Variants in STARD13 observed in about 807,000 individuals in gnomAD.
STARD13 encodes stAR-related lipid transfer protein 13.
In STARD13, 62 loss-of-function variants were observed where a neutral mutation model predicts 106.4. The ratio of observed to expected loss-of-function variants is 0.58; its 90% CI spans 0.48 to 0.72. The LOEUF (loss-of-function observed/expected upper bound fraction) is 0.72. STARD13 is among the 30% of genes least tolerant of loss of function. STARD13 has a pLI of 0.00. For missense variants in STARD13, 1,387 were observed against 1,424.0 expected (o/e 0.97, Z 0.42); for synonymous variants, 565 against 553.0 (o/e 1.02, Z -0.31).
intron 11 of STARD13, 51 bp from the exon 12 acceptor site, chr13:33,110,141 C>A: frequency 6.4e-7 from 1 of 1,554,364 alleles, no homozygotes; most frequent in Non-Finnish European, 8.8e-7. Context: ...GATATGGGTC[C>A]AACATTTTTT....
At chr13:33,145,281 A>T (rs574679805) in intron 3 of STARD13, among the ~76,000 whole-genome samples, 19 of 152,364 alleles carry the variant, frequency 1.2e-4, no homozygotes, top group Admixed American at 1.1e-3. Flanking sequence ...CATGAAAGAA[A>T]TGCAAATTAA....
chr13:33,496,332 A>T, the STARD13 span, among the ~76,000 whole-genome samples: 2 of 150,990 alleles, frequency 1.3e-5, no homozygotes, highest in Non-Finnish European at 3.0e-5. Context: ...ATTTTATTAA[A>T]AAATAAAGTG....
At chr13:33,500,413 GAT>G in the STARD13 span, among the ~76,000 whole-genome samples, 1 of 152,150 alleles carries the variant, frequency 6.6e-6, no homozygotes, top group Non-Finnish European at 1.5e-5. Flanking sequence ...AGGAAAATGA[GAT>G]TGACAATTTC....
intron 5 of STARD13, among the ~76,000 whole-genome samples, chr13:33,127,884 T>TGA (rs1313175923): frequency 5.3e-5 from 8 of 149,676 alleles, no homozygotes; most frequent in South Asian, 4.2e-4. Context: ...TGTGTGTATG[T>TGA]GAGAGAGAGA....
intron 3 of STARD13, among the ~76,000 whole-genome samples, chr13:33,156,900 G>A (rs1882048161): frequency 6.6e-6 from 1 of 152,172 alleles, no homozygotes; most frequent in South Asian, 2.1e-4. Context: ...TGGTGATCAT[G>A]TAACCCTCAT....
the STARD13 span, among the ~76,000 whole-genome samples, chr13:33,368,973 C>A: frequency 6.6e-6 from 1 of 152,104 alleles, no homozygotes. Flanking sequence ...AGCTTGGAGC[C>A]CAGGTGAGCT....
At chr13:33,581,043 A>T in the STARD13 span, among the ~76,000 whole-genome samples, 1 of 152,140 alleles carries the variant, frequency 6.6e-6, no homozygotes, top group East Asian at 1.9e-4. Flanking sequence ...GGAGAATTTG[A>T]TTTATTAAAT....
At position 33,268,734 on chromosome 13, in the gene STARD13, A is replaced by G. The variant is rs375970728; in HGVS notation, c.169+16736T>C. 3.9e-5 allele frequency among the ~76,000 whole-genome samples: 6 copies of G among 152,272 alleles called. No individual in the cohort carries two copies. In the East Asian group the frequency reaches 1.2e-3, roughly 29 times the overall value. On this transcript the variant is annotated intron_variant, in intron 1 of 13. Coordinates refer to ENST00000336934, the MANE Select transcript of STARD13 (RefSeq NM_178006.4). ...AGTTTCAGAAAATGTACAGCTTCTCAGAGCCAAACAAAAGAAACATCTGAA... is the reference window on the plus strand; with the variant it reads ...AGTTTCAGAAAATGTACAGCTTCTCGGAGCCAAACAAAAGAAACATCTGAA...
the STARD13 span, among the ~76,000 whole-genome samples, chr13:33,542,020 CAG>C: frequency 6.6e-6 from 1 of 151,794 alleles, no homozygotes; most frequent in Non-Finnish European, 1.5e-5. Context: ...CCAGAAAACA[CAG>C]AATATAAAAC....
At chr13:33,597,712 G>A in the STARD13 span, among the ~76,000 whole-genome samples, 112 of 151,942 alleles carry the variant, frequency 7.4e-4, no homozygotes, top group African/African-American at 2.6e-3. Context: ...AAAATTAGCC[G>A]GGCATGGGGC....
At position 33,199,147 on chromosome 13, in the gene STARD13, A is replaced by C. The variant is rs192401999; in HGVS notation, c.170-31525T>G. On this transcript the variant is annotated intron_variant, in intron 1 of 13. Transcript: ENST00000336934. ...TCTACTGAAATCTGTTGATGTTTCC[A>C]GGCCACATTTCATATCATGCATAAA... 4.7e-3 allele frequency among the ~76,000 whole-genome samples: 709 copies of C among 152,374 alleles called. 4 individuals are homozygous for C. The highest frequency in any genetic ancestry group is 7.5e-3 in the Non-Finnish European group (509 of 68,036).
chr13:33,199,028 C>CT lies in STARD13; in HGVS notation c.170-31407_170-31406insA, dbSNP rs1886830900. Among the ~76,000 whole-genome samples the CT allele has an allele frequency of 2.0e-5, 3 of 152,218 alleles. No individual in the cohort carries two copies. The South Asian group carries it at 6.2e-4, about 32-fold the overall frequency. On this transcript the variant is annotated intron_variant, in intron 1 of 13. Coordinates refer to ENST00000336934, the MANE Select transcript of STARD13 (RefSeq NM_178006.4). ...CCTAAGGTATAGTCACGCTGAGGTT[C>CT]ACTCATCTATTTTTGAACACATTAC...
At chr13:33,476,242 A>G in the STARD13 span, among the ~76,000 whole-genome samples, 2 of 152,202 alleles carry the variant, frequency 1.3e-5, no homozygotes, top group Admixed American at 1.3e-4. Context: ...ATAATAATAA[A>G]AAATGAGATT....
chr13:33,404,933 C>T, the STARD13 span, among the ~76,000 whole-genome samples: 27 of 152,206 alleles, frequency 1.8e-4, no homozygotes, highest in African/African-American at 4.3e-4. Context: ...TGTGCCACCA[C>T]GCAGAGCTAA....
chr13:33,588,613 C>G, the STARD13 span, among the ~76,000 whole-genome samples: 9 of 152,138 alleles, frequency 5.9e-5, no homozygotes, highest in Non-Finnish European at 7.4e-5. Flanking sequence ...GTGACTGTTT[C>G]TTTTTCAGTA....
chr13:33,127,399 G>C lies in STARD13; in HGVS notation c.1896C>G (p.Ser632=), dbSNP rs1481510976. The part of the protein sequence containing the change: ...LRLTAIMEKH[S]MSNKHGWTWS... ...ATGTCCAGCCGTGCTTGTTGGACAT[G>C]GAGTGCTTCTCCATGATGGCCGTGA... The change falls in exon 6 of 14, where the codon TCC becomes TCG. Residue 632 remains serine (S), a synonymous_variant. Coordinates refer to ENST00000336934, the MANE Select transcript of STARD13 (RefSeq NM_178006.4). 6 of 1,603,740 alleles carry C rather than the reference G, an allele frequency of 3.7e-6. No homozygotes were observed. In the East Asian group the frequency reaches 1.4e-4, roughly 36 times the overall value.
At chr13:33,646,288 A>G in the STARD13 span, among the ~76,000 whole-genome samples, 1 of 152,198 alleles carries the variant, frequency 6.6e-6, no homozygotes, top group Non-Finnish European at 1.5e-5. Context: ...TAAGATCTTA[A>G]AACGCGACAT....
chr13:33,536,616 A>G, the STARD13 span, among the ~76,000 whole-genome samples: 3 of 152,232 alleles, frequency 2.0e-5, no homozygotes, highest in African/African-American at 4.8e-5. Flanking sequence ...CTTATATTCA[A>G]GGGATTTATA....
At chr13:33,533,006 A>G in the STARD13 span, among the ~76,000 whole-genome samples, 1 of 152,206 alleles carries the variant, frequency 6.6e-6, no homozygotes, top group Non-Finnish European at 1.5e-5. Context: ...CAAACATATC[A>G]GTCACCCATG....
Sources: gnomAD v4.1 joint callset for allele counts (sites outside exome capture counted in the v4.1 genomes callset) on GRCh38, gnomAD v4.1.1 for gene constraint, MANE v1.5 for transcripts, NCBI Gene and HGNC (gene_info 2026-07-23, HGNC 2026-07-21) for gene names.